The following SUPT5H variants were observed in gnomAD, a reference collection of about 807,000 sequenced individuals.
SUPT5H encodes SPT5 homolog, DSIF elongation factor subunit, also known as transcription elongation factor SPT5.
In SUPT5H, 24 loss-of-function variants were observed where a neutral mutation model predicts 142.5. The ratio of observed to expected loss-of-function variants is 0.17; its 90% CI spans 0.12 to 0.24. The LOEUF (loss-of-function observed/expected upper bound fraction) is 0.24. Among genes scored for constraint, SUPT5H ranks in the 10% least tolerant of loss-of-function variants. SUPT5H has a pLI of 1.00. For synonymous variants in SUPT5H, 546 were observed against 553.0 expected (o/e 0.99, Z 0.18); for missense variants, 893 against 1,471.8 (o/e 0.61, Z 6.43).
chr19:39,469,504 G>A lies in SUPT5H; in HGVS notation c.1374+106G>A, dbSNP rs888875671. On this transcript the variant is annotated intron_variant, in intron 16 of 29. Coordinates refer to ENST00000432763, the MANE Select transcript of SUPT5H (RefSeq NM_001111020.3). This position sits in a 1 kb window ranked among gnomAD's most constrained non-coding sequence, Gnocchi z 5.1. The stretch of plus-strand genomic sequence containing the variant: ...CCTGGTGACACCTGGTTTCCAGGAG[G>A]GTAAGTTGAGGCCCTTCTAGCATTC... 7 of 1,502,026 alleles carry A rather than the reference G, an allele frequency of 4.7e-6. No homozygotes were observed. The African/African-American group carries it at 6.9e-5, about 15-fold the overall frequency. The allele number at this position is 1,502,026 out of a possible 1,614,324, so 93.0% of individuals were successfully genotyped here. A position where few individuals can be genotyped will look rare whatever the true frequency, so the allele number is the denominator to read the frequency against.
rs965969371 is a variant in SUPT5H, at chr19:39,476,581, G to T, written c.*182G>T. On this transcript the variant is annotated 3_prime_UTR_variant, in exon 30 of 30. Transcript: ENST00000432763. ...GCTCATTGGAATCTGAGTAGAGTCT[G>T]GGGGAGGGTCCCCACCTTCCTGTAC... The T allele has an allele frequency of 1.3e-6, 1 of 781,514 alleles. No individual in the cohort carries two copies. The allele number at this position is 781,514 out of a possible 1,614,324, so 48.4% of individuals were successfully genotyped here.
chr19:39,465,493 G>A (rs976649225), intron 11 of SUPT5H, among the ~76,000 whole-genome samples: 2 of 152,224 alleles, frequency 1.3e-5, no homozygotes, highest in Non-Finnish European at 2.9e-5. Context: ...TGGTGACTGT[G>A]TTGAGACTAG....
Position 39,453,485 on chromosome 19 carries a change from A to C in SUPT5H, c.205A>C (p.Lys69Gln), listed in dbSNP as rs1240022876. The C allele has an allele frequency of 6.5e-7, 1 of 1,549,626 alleles. No individual in the cohort carries two copies. Among genetic ancestry groups the C allele is most frequent in the Non-Finnish European group, 8.7e-7 (1 of 1,145,796 alleles). ...AGAAGATGATGACCGACCCCCCAAGAAACCCCGCCATGGAGGCTTCATTCT... is the reference window on the plus strand; with the variant it reads ...AGAAGATGATGACCGACCCCCCAAGCAACCCCGCCATGGAGGCTTCATTCT... ...EEEDDDRPPK[K>Q]PRHGGFILDE... Residue 69 changes from lysine (K) to glutamine (Q), a missense_variant, in exon 3 of 30, where the codon AAA (lysine) becomes CAA (glutamine). This residue lies in a region of SUPT5H where 19 missense variants were observed against 27.2 expected (regional missense o/e 0.70). Transcript: ENST00000432763.
chr19:39,449,919 C>T (rs764832133), intron 2 of SUPT5H, among the ~76,000 whole-genome samples: 13 of 148,356 alleles, frequency 8.8e-5, no homozygotes, highest in Non-Finnish European at 1.6e-4. Context: ...GGATTACAGG[C>T]ATGAGCCACC....
rs2079380074 is a variant in SUPT5H at position 39,474,843 on chromosome 19, G to C, written c.3024+125G>C. The C allele has an allele frequency of 9.1e-7, 1 of 1,096,648 alleles. No individual in the cohort carries two copies. The highest frequency in any genetic ancestry group is 1.3e-6 in the Non-Finnish European group (1 of 761,250). The allele number at this position is 1,096,648 out of a possible 1,614,324, so 67.9% of individuals were successfully genotyped here. On this transcript the variant is annotated intron_variant, in intron 28 of 29. Coordinates refer to ENST00000432763, the MANE Select transcript of SUPT5H (RefSeq NM_001111020.3). This position sits in a 1 kb window ranked among gnomAD's most constrained non-coding sequence, Gnocchi z 6.5. Reference sequence around the variant, plus strand: ...GCAGAGCTGGGATTGAGGAAGCCTAGAGGGCAAGGGGAGCTATGTGAACCC... The same window carrying C: ...GCAGAGCTGGGATTGAGGAAGCCTACAGGGCAAGGGGAGCTATGTGAACCC...
At chr19:39,465,174 G>A in intron 11 of SUPT5H, 125 bp downstream of exon 11, 1 of 1,397,110 alleles carries the variant, frequency 7.2e-7, no homozygotes, top group Non-Finnish European at 9.7e-7. Context: ...AGTTGAAGCA[G>A]AGCCTGGGTT....
At chr19:39,460,148 CTTTG>C (rs2079143095) in intron 10 of SUPT5H, 188 bp downstream of exon 10, 1 of 609,210 alleles carries the variant, frequency 1.6e-6, no homozygotes, top group Non-Finnish European at 2.9e-6. Context: ...GATATGTTGT[CTTTG>C]TTCTCTGCAT....
chr19:39,447,049 C>A (rs1165027001), intron 2 of SUPT5H, among the ~76,000 whole-genome samples: 1 of 151,956 alleles, frequency 6.6e-6, no homozygotes, highest in East Asian at 1.9e-4. Flanking sequence ...TCTGTAGTCC[C>A]AGCTACTTGG....
At chr19:39,459,284 G>A (rs1174353340) in intron 8 of SUPT5H, 35 bp downstream of exon 8, 1 of 1,554,088 alleles carries the variant, frequency 6.4e-7, no homozygotes, top group Non-Finnish European at 8.7e-7. Flanking sequence ...CCGTGCTGGG[G>A]TGCGAATCTT....
intron 3 of SUPT5H, 140 bp from the exon 4 acceptor site, chr19:39,457,535 G>A: frequency 6.9e-7 from 1 of 1,452,892 alleles, no homozygotes; most frequent in Non-Finnish European, 9.3e-7. Flanking sequence ...CCCCAGACGA[G>A]TGCCTCCCTG....
intron 13 of SUPT5H, 181 bp from the exon 14 acceptor site, chr19:39,468,575 G>A (rs1430715152): frequency 1.7e-6 from 1 of 604,692 alleles, no homozygotes; most frequent in Admixed American, 2.8e-5. Context: ...GTGCAGGGAG[G>A]TGGGAGGCGG....
chr19:39,463,759 G>A (rs1262788975), intron 10 of SUPT5H, among the ~76,000 whole-genome samples: 1 of 152,214 alleles, frequency 6.6e-6, no homozygotes, highest in African/African-American at 2.4e-5. Context: ...ATTGCAGTCA[G>A]TGATTGTTAC....
At chr19:39,449,877 G>C (rs377599935) in intron 2 of SUPT5H, among the ~76,000 whole-genome samples, 133 of 151,464 alleles carry the variant, frequency 8.8e-4, no homozygotes, top group African/African-American at 3.0e-3. Context: ...CTGACCTCAA[G>C]TGATCGCCTA....
At chr19:39,460,914 G>C (rs896146184) in intron 10 of SUPT5H, among the ~76,000 whole-genome samples, 1 of 152,146 alleles carries the variant, frequency 6.6e-6, no homozygotes, top group African/African-American at 2.4e-5. Context: ...CCAGCCACTG[G>C]GTGTGACCCA....
At chr19:39,460,128 G>A (rs935146369) in intron 10 of SUPT5H, 168 bp downstream of exon 10, 17 of 654,618 alleles carry the variant, frequency 2.6e-5, no homozygotes, top group Non-Finnish European at 3.8e-5. Flanking sequence ...GGCTCTTCTC[G>A]GCCTAGATGG....
intron 10 of SUPT5H, among the ~76,000 whole-genome samples, chr19:39,461,284 C>T (rs1490726324): frequency 1.3e-5 from 2 of 150,138 alleles, no homozygotes; most frequent in African/African-American, 2.5e-5. Flanking sequence ...AGTGAGACTC[C>T]GTCTCGGGGT....
intron 3 of SUPT5H, 137 bp downstream of exon 3, chr19:39,453,658 A>G (rs1261309136): frequency 9.5e-7 from 1 of 1,052,678 alleles, no homozygotes; most frequent in African/African-American, 1.6e-5. Flanking sequence ...GGCTCACTGC[A>G]AGTTCATGCC....
Position 39,470,579 on chromosome 19 carries a change from C to T in SUPT5H, c.1677+56C>T, listed in dbSNP as rs1035323637. ...TGCTTTTAGGAGGCTTCCTGTCCCT[C>T]AACCCCTCATCCTGGGAGGTGGCAG... On this transcript the variant is annotated intron_variant, in intron 18 of 29. Coordinates refer to ENST00000432763, the MANE Select transcript of SUPT5H (RefSeq NM_001111020.3). This position sits in a 1 kb window ranked among gnomAD's most constrained non-coding sequence, Gnocchi z 5.8. The T allele has an allele frequency of 6.8e-7, 1 of 1,462,714 alleles. No individual in the cohort carries two copies. The allele number at this position is 1,462,714 out of a possible 1,614,324, so 90.6% of individuals were successfully genotyped here.
chr19:39,471,294 C>T, intron 18 of SUPT5H, 63 bp from the exon 19 acceptor site: 1 of 1,594,172 alleles, frequency 6.3e-7, no homozygotes, highest in Non-Finnish European at 8.6e-7. Context: ...CTTTAGGGAA[C>T]CCCTGCCCCG....
Sources: allele counts gnomAD v4.1 joint callset (sites outside exome capture counted in the v4.1 genomes callset), GRCh38; gene constraint gnomAD v4.1.1; regional missense constraint gnomAD v4.1.1; non-coding constraint Gnocchi (gnomAD v3.1); transcripts MANE v1.5; gene names NCBI Gene and HGNC (gene_info 2026-07-23, HGNC 2026-07-21).